The following LHFPL3 variants were observed in gnomAD, a reference collection of about 807,000 sequenced individuals.
LHFPL3 encodes the protein LHFPL tetraspan subfamily member 3.
Under a neutral mutation model 19.3 loss-of-function variants are expected in LHFPL3, and 5 were observed. The ratio of observed to expected loss-of-function variants is 0.26; its 90% confidence interval spans 0.14 to 0.54. The LOEUF is 0.54. Among genes scored for constraint, LHFPL3 ranks in the 20% least tolerant of loss-of-function variants. The pLI is 0.94. For synonymous variants in LHFPL3, 133 were observed against 126.2 expected, an observed-to-expected ratio of 1.05 and a Z score of -0.36; for missense variants, 249 against 307.4, an observed-to-expected ratio of 0.81 and a Z score of 1.42.
At chr7:104,902,253 G>T (rs35336178) in intron 2 of LHFPL3, among the ~76,000 whole-genome samples, 1 of 150,930 alleles carries the variant, frequency 6.6e-6, no homozygotes, top group African/African-American at 2.4e-5. Context: ...ATGGTAACGC[G>T]TGCCTGTGGT....
chr7:104,829,613 G>T (rs1190295771), intron 2 of LHFPL3, among the ~76,000 whole-genome samples: 3 of 151,678 alleles, frequency 2.0e-5, no homozygotes, highest in African/African-American at 4.9e-5. Flanking sequence ...AGTTTGCTGA[G>T]AATGATGGTT....
chr7:104,695,795 G>A (rs887461758), intron 1 of LHFPL3, among the ~76,000 whole-genome samples: 3 of 152,164 alleles, frequency 2.0e-5, no homozygotes, highest in Admixed American at 6.5e-5. Context: ...TAAGCAGAAG[G>A]CCTGGAAATT....
chr7:104,798,519 T>G (rs937942589), intron 2 of LHFPL3: 1 of 152,232 alleles, frequency 6.6e-6, no homozygotes, highest in African/African-American at 2.4e-5. Context: ...CGTATAGAAC[T>G]ACACCTATGC....
chr7:104,469,079 A>G (rs1435817839), intron 1 of LHFPL3, among the ~76,000 whole-genome samples: 1 of 152,042 alleles, frequency 6.6e-6, no homozygotes, highest in African/African-American at 2.4e-5. Flanking sequence ...CTCACATCAA[A>G]CCTTTGCCCA....
At chr7:104,640,762 CAGTA>C (rs571990555) in intron 1 of LHFPL3, among the ~76,000 whole-genome samples, 6 of 152,148 alleles carry the variant, frequency 3.9e-5, no homozygotes, top group South Asian at 4.1e-4. Flanking sequence ...ACATGAGTTG[CAGTA>C]AGTAAGTAAA....
intron 1 of LHFPL3, among the ~76,000 whole-genome samples, chr7:104,623,256 C>T (rs1791482041): frequency 6.6e-6 from 1 of 151,410 alleles, no homozygotes; most frequent in Admixed American, 6.6e-5. Flanking sequence ...TGATATTCCT[C>T]TTTCAATCTG....
intron 1 of LHFPL3, among the ~76,000 whole-genome samples, chr7:104,336,385 C>T (rs12673807): frequency 0.17 from 26,503 of 151,762 alleles, 2,784 homozygotes; most frequent in Admixed American, 0.31. Context: ...AAGACATAAG[C>T]GCTTAAATTA....
At chr7:104,821,887 G>T (rs1265680052) in intron 2 of LHFPL3, among the ~76,000 whole-genome samples, 1 of 152,150 alleles carries the variant, frequency 6.6e-6, no homozygotes, top group African/African-American at 2.4e-5. Context: ...GTAATCAAAG[G>T]TCAGTGAATT....
intron 1 of LHFPL3, among the ~76,000 whole-genome samples, chr7:104,616,175 G>A (rs1271036059): frequency 6.6e-6 from 1 of 152,138 alleles, no homozygotes; most frequent in African/African-American, 2.4e-5. Flanking sequence ...AGCCCATATA[G>A]CCAAGACAAT....
chr7:104,572,785 T>C (rs1473589689), intron 1 of LHFPL3, among the ~76,000 whole-genome samples: 1 of 152,142 alleles, frequency 6.6e-6, no homozygotes, highest in Non-Finnish European at 1.5e-5. Context: ...CCACATTGAA[T>C]AATACTGAAT....
At chr7:104,575,900 A>T (rs1457347007) in intron 1 of LHFPL3, among the ~76,000 whole-genome samples, 3 of 152,088 alleles carry the variant, frequency 2.0e-5, no homozygotes, top group Non-Finnish European at 4.4e-5. Context: ...TTCCATCTAG[A>T]AGGGGCTTCA....
intron 1 of LHFPL3, among the ~76,000 whole-genome samples, chr7:104,526,680 G>C (rs982269184): frequency 6.6e-6 from 1 of 152,188 alleles, no homozygotes; most frequent in Non-Finnish European, 1.5e-5. Flanking sequence ...TTGCAATTCA[G>C]ACTTTTTGGT....
In LHFPL3 at chr7:104,564,112, C is replaced by G. The variant is rs1313854198; in HGVS notation, c.446-172563C>G. Among the ~76,000 whole-genome samples, 4 of 152,214 alleles carry G rather than the reference C, an allele frequency of 2.6e-5. No individual in the cohort carries two copies. In the East Asian group the frequency reaches 5.8e-4, roughly 22 times the overall value. ...TACTATTATTGTATAAAAGAGAAAA[C>G]TCAAGAATAGAGTGACCCAGTAACC... On this transcript the variant is annotated intron_variant, in intron 1 of 2. Coordinates refer to ENST00000424859, the MANE Select transcript of LHFPL3 (RefSeq NM_199000.3).
chr7:104,350,738 G>T (rs1472556050), intron 1 of LHFPL3, among the ~76,000 whole-genome samples: 1 of 152,118 alleles, frequency 6.6e-6, no homozygotes, highest in Non-Finnish European at 1.5e-5. Flanking sequence ...GATAGTGAGT[G>T]CTGATGAAAA....
chr7:104,706,665 T>C (rs1382639965), intron 1 of LHFPL3, among the ~76,000 whole-genome samples: 1 of 152,182 alleles, frequency 6.6e-6, no homozygotes, highest in African/African-American at 2.4e-5. Flanking sequence ...TTTCAGGTAT[T>C]AACTATTCAC....
chr7:104,386,510 C>T (rs1484326241), intron 1 of LHFPL3, among the ~76,000 whole-genome samples: 1 of 152,208 alleles, frequency 6.6e-6, no homozygotes, highest in African/African-American at 2.4e-5. Flanking sequence ...TCTTCCATCC[C>T]TAAGGCTCTA....
chr7:104,812,747 T>C (rs190799589), intron 2 of LHFPL3, among the ~76,000 whole-genome samples: 16 of 122,536 alleles, frequency 1.3e-4, no homozygotes, highest in Admixed American at 6.7e-4. Flanking sequence ...GAGGTCACAA[T>C]GAGCGAAGAT....
chr7:104,556,614 T>A (rs1013314896), intron 1 of LHFPL3, among the ~76,000 whole-genome samples: 1 of 152,252 alleles, frequency 6.6e-6, no homozygotes. Flanking sequence ...GGGGAGGTGC[T>A]GCTGCAAAGG....
At chr7:104,629,931 G>A (rs1791611208) in intron 1 of LHFPL3, among the ~76,000 whole-genome samples, 2 of 152,096 alleles carry the variant, frequency 1.3e-5, no homozygotes, top group Admixed American at 1.3e-4. Context: ...TAATTTCTTT[G>A]TGCACTTTTC....
Sources: gnomAD v4.1 joint callset for allele counts (sites outside exome capture counted in the v4.1 genomes callset) on GRCh38, gnomAD v4.1.1 for gene constraint, MANE v1.5 for transcripts, NCBI Gene and HGNC (gene_info 2026-07-23, HGNC 2026-07-21) for gene names.